The following VWDE variants were observed in gnomAD, a reference collection of about 807,000 sequenced individuals.
VWDE encodes von Willebrand factor D and EGF domains, also known as von Willebrand factor D and EGF domain-containing protein.
Under a neutral mutation model 178.4 loss-of-function variants are expected in VWDE, and 207 were observed. The ratio of observed to expected loss-of-function variants is 1.16; its 90% confidence interval spans 1.04 to 1.30. The LOEUF is 1.30. VWDE is among the 50% of genes most tolerant of loss of function. The probability of loss-of-function intolerance (pLI) is 0.00; values close to 1 mark genes in which losing one functional copy is unlikely to be tolerated. For missense variants in VWDE, 2,287 were observed against 1,901.3 expected (o/e 1.20, Z -3.77); for synonymous variants, 738 against 651.4 (o/e 1.13, Z -2.02).
chr7:12,366,179 T>G (rs554349746), intron 13 of VWDE, among the ~76,000 whole-genome samples: 1 of 152,156 alleles, frequency 6.6e-6, no homozygotes, highest in Non-Finnish European at 1.5e-5. Context: ...CCTGTTTTCT[T>G]TATAAATTAC....
intron 19 of VWDE, among the ~76,000 whole-genome samples, chr7:12,349,735 C>T (rs1184088253): frequency 6.6e-6 from 1 of 151,414 alleles, no homozygotes; most frequent in Non-Finnish European, 1.5e-5. Context: ...AAAAAGAAAC[C>T]CAAATAAATA....
chr7:12,354,877 T>C (rs930848533), intron 18 of VWDE, among the ~76,000 whole-genome samples: 1 of 152,202 alleles, frequency 6.6e-6, no homozygotes, highest in Non-Finnish European at 1.5e-5. Context: ...AATTGTTTAG[T>C]CTAGTTATAA....
rs751010039 is a variant in VWDE, at chr7:12,335,750, C to T, written c.4654+391G>A. Among the ~76,000 whole-genome samples the T allele has an allele frequency of 9.7e-4, 147 of 152,260 alleles. 3 individuals carry two copies. The highest frequency in any genetic ancestry group is 3.4e-3 in the Middle Eastern group (1 of 294). On this transcript the variant is annotated intron_variant, in intron 27 of 28. Transcript: ENST00000275358. ...GATTACAGGCGTGAGCCACTGCACC[C>T]GGCCTAGAGTGATTAATTTTTAATA...
intron 3 of VWDE, 24 bp downstream of exon 3, chr7:12,389,101 CAT>C (rs1562516031): frequency 7.1e-7 from 1 of 1,405,708 alleles, no homozygotes; most frequent in Non-Finnish European, 9.9e-7. Flanking sequence ...GAATAACAGT[CAT>C]GTGAATTACT....
Position 12,356,210 on chromosome 7 carries a change from C to T in VWDE, c.3646G>A (p.Glu1216Lys), listed in dbSNP as rs1464356543. The T allele has an allele frequency of 1.9e-6, 3 of 1,551,452 alleles. No homozygotes were observed. In the East Asian group the frequency reaches 7.3e-5, roughly 38 times the overall value. The change falls in exon 18 of 29, where the codon GAA becomes AAA. Residue 1216 changes from glutamate (E) to lysine (K), a missense_variant. Glu to Lys is a moderately conservative substitution (Grantham distance 56, BLOSUM62 1). Coordinates refer to ENST00000275358, the MANE Select transcript of VWDE (RefSeq NM_001135924.3). ...CLPGFHGSLC[E>K]VDISGCQSNP... ...GATTGGCACCCACTAATGTCCACTT[C>T]ACAAAGGCTGCCATGGAAGCCAGGC... is the stretch of plus-strand genomic sequence containing the variant.
At chr7:12,356,089 G>T (rs1457480497) in intron 18 of VWDE, 22 bp downstream of exon 18, 2 of 1,543,672 alleles carry the variant, frequency 1.3e-6, no homozygotes, top group Non-Finnish European at 1.8e-6. Context: ...TTTCTAATTT[G>T]TTATGAGGAG....
intron 18 of VWDE, among the ~76,000 whole-genome samples, chr7:12,355,244 AT>A (rs1782165270): frequency 6.6e-6 from 1 of 151,974 alleles, no homozygotes; most frequent in Admixed American, 6.6e-5. Flanking sequence ...GTGAAACCCC[AT>A]CTCTACTAAA....
At chr7:12,396,671 G>T (rs1399607960) in intron 1 of VWDE, among the ~76,000 whole-genome samples, 1 of 152,002 alleles carries the variant, frequency 6.6e-6, no homozygotes, top group East Asian at 1.9e-4. Context: ...ACTTTGGCAG[G>T]CCAAGAGGCC....
At chr7:12,378,933 C>T (rs562244269) in intron 6 of VWDE, among the ~76,000 whole-genome samples, 3 of 152,224 alleles carry the variant, frequency 2.0e-5, no homozygotes, top group African/African-American at 7.2e-5. Flanking sequence ...CTGCCTGGAC[C>T]GTTTGATATT....
chr7:12,361,401 C>T lies in VWDE; in HGVS notation c.3019G>A (p.Val1007Met). ...CACTTCCCAGTTGGTTTCCCACCCA[C>T]CAGATCCATGGTATCAAACTGCTGA... is the stretch of plus-strand genomic sequence containing the variant. ...DVQQFDTMDL[V>M]GGKPTGKWQL... Residue 1007 changes from valine (V) to methionine (M), a missense_variant, in exon 14 of 29, where the codon GTG becomes ATG. By Grantham distance (21) the Val-to-Met change is conservative (BLOSUM62 1). Coordinates refer to ENST00000275358, the MANE Select transcript of VWDE (RefSeq NM_001135924.3). 6.4e-7 allele frequency: 1 copy of T among 1,550,918 alleles called. No individual in the cohort carries two copies.
intron 18 of VWDE, among the ~76,000 whole-genome samples, chr7:12,352,308 C>T (rs1284386126): frequency 1.3e-5 from 2 of 152,124 alleles, no homozygotes; most frequent in Non-Finnish European, 2.9e-5. Flanking sequence ...TCTTATGTGC[C>T]CCACTAGTTA....
intron 18 of VWDE, among the ~76,000 whole-genome samples, chr7:12,353,432 G>A (rs1782055313): frequency 6.9e-6 from 1 of 144,798 alleles, no homozygotes; most frequent in Admixed American, 7.0e-5. Flanking sequence ...GGGGGACGCA[G>A]TTCTATCCAC....
chr7:12,362,115 A>G (rs1782614417), intron 13 of VWDE, among the ~76,000 whole-genome samples: 1 of 151,978 alleles, frequency 6.6e-6, no homozygotes, highest in African/African-American at 2.4e-5. Flanking sequence ...CAAGACACAA[A>G]ACTATGGAGT....
At chr7:12,403,310 C>G (rs1784998764) in intron 1 of VWDE, among the ~76,000 whole-genome samples, 1 of 152,146 alleles carries the variant, frequency 6.6e-6, no homozygotes, top group South Asian at 2.1e-4. Context: ...GGTCCACTTG[C>G]GGCTAGCATA....
chr7:12,340,346 A>G lies in VWDE; in HGVS notation c.4342T>C (p.Phe1448Leu). The G allele has an allele frequency of 6.4e-7, 1 of 1,551,282 alleles. No homozygotes were observed. The highest frequency in any genetic ancestry group is 8.7e-7 in the Non-Finnish European group (1 of 1,146,714). The change falls in exon 24 of 29, where the codon TTC (phenylalanine) becomes CTC (leucine). Residue 1448 changes from phenylalanine to leucine, a missense_variant. By Grantham distance (22) the Phe-to-Leu change is conservative. Transcript: ENST00000275358. ...KPNTCLCPNG[F>L]FGEHCQNAFC... ...CCATTCTGACAGTGTTCCCCAAAGA[A>G]TCCATTTGGACAGAGGCAAGTATTT...
intron 3 of VWDE, 196 bp downstream of exon 3, chr7:12,388,931 G>A (rs536621334): frequency 2.8e-6 from 2 of 708,630 alleles, no homozygotes; most frequent in South Asian, 1.5e-5. Flanking sequence ...CACGTGTGGG[G>A]GGACTTTACA....
intron 19 of VWDE, among the ~76,000 whole-genome samples, chr7:12,347,043 C>T (rs1196704986): frequency 3.3e-5 from 5 of 152,066 alleles, no homozygotes; most frequent in South Asian, 2.1e-4. Context: ...AACAAGAGTG[C>T]ACCAAATATA....
intron 1 of VWDE, among the ~76,000 whole-genome samples, chr7:12,398,717 A>G (rs1217991107): frequency 7.9e-5 from 12 of 152,210 alleles, no homozygotes; most frequent in Admixed American, 7.2e-4. Context: ...GAAGCCATAA[A>G]AAAGACTAAA....
chr7:12,358,175 C>A (rs1782367638), intron 16 of VWDE, among the ~76,000 whole-genome samples: 1 of 151,890 alleles, frequency 6.6e-6, no homozygotes, highest in South Asian at 2.1e-4. Context: ...TCAGGAGTTC[C>A]AGACCAGCCT....
Sources: gnomAD v4.1 joint callset for allele counts (sites outside exome capture counted in the v4.1 genomes callset) on GRCh38, gnomAD v4.1.1 for gene constraint, MANE v1.5 for transcripts, NCBI Gene and HGNC (gene_info 2026-07-23, HGNC 2026-07-21) for gene names.